ROR1: variants seen among roughly 807,000 people sequenced by gnomAD.
The protein encoded by ROR1 is inactive tyrosine-protein kinase transmembrane receptor ROR1.
In ROR1, 19 loss-of-function variants were observed where a neutral mutation model predicts 78.8. The ratio of observed to expected loss-of-function variants is 0.24; its 90% confidence interval spans 0.17 to 0.35. ROR1 has a LOEUF of 0.35. Ranked by LOEUF, ROR1 falls within the 10% of genes least tolerant of loss-of-function variation. ROR1 has a pLI of 1.00. For missense variants in ROR1, 917 were observed against 1,177.8 expected, an observed-to-expected ratio of 0.78 and a Z score of 3.24; for synonymous variants, 386 against 433.6, an observed-to-expected ratio of 0.89 and a Z score of 1.36.
chr1:63,846,813 G>C (rs953760591), intron 1 of ROR1, among the ~76,000 whole-genome samples: 4 of 152,226 alleles, frequency 2.6e-5, no homozygotes, highest in African/African-American at 9.6e-5. Context: ...TTTGGGGGAA[G>C]AATAGTAAGG....
intron 7 of ROR1, among the ~76,000 whole-genome samples, chr1:64,148,880 G>T (rs1021988852): frequency 1.3e-5 from 2 of 151,930 alleles, no homozygotes; most frequent in South Asian, 4.1e-4. Context: ...CTAACAATTA[G>T]AATTACTAAT....
intron 1 of ROR1, among the ~76,000 whole-genome samples, chr1:63,967,958 G>A (rs1301109497): frequency 2.0e-5 from 3 of 152,080 alleles, no homozygotes; most frequent in Non-Finnish European, 4.4e-5. Context: ...AATTAGTTTG[G>A]GAAGTTCTTC....
chr1:64,008,825 G>A (rs285398), intron 1 of ROR1, among the ~76,000 whole-genome samples: 99,733 of 151,786 alleles, frequency 0.66, 37,343 homozygotes, highest in East Asian at 0.94. Context: ...AGTAGAGACG[G>A]GGTTTCATCA....
intron 1 of ROR1, among the ~76,000 whole-genome samples, chr1:63,957,751 T>G (rs371731832): frequency 4.6e-5 from 7 of 151,828 alleles, no homozygotes; most frequent in Non-Finnish European, 8.8e-5. Flanking sequence ...TTTTGTTTTT[T>G]TTTTTTTTGG....
At chr1:63,828,401 A>G (rs35310909) in intron 1 of ROR1, among the ~76,000 whole-genome samples, 21,780 of 152,134 alleles carry the variant, frequency 0.14, 1,646 homozygotes, top group Middle Eastern at 0.22. Context: ...CATACATTTG[A>G]TCAGAAAGCC....
Position 63,972,239 on chromosome 1 carries a change from C to A in ROR1, c.92-37066C>A, listed in dbSNP as rs1646125023. 3.3e-5 allele frequency among the ~76,000 whole-genome samples: 5 copies of A among 152,176 alleles called. No homozygotes were observed. In the South Asian group the frequency reaches 1.0e-3, roughly 32 times the overall value. ...TTTCACATCCATCCTTTTATTTAGACCTTAAAACAGCCCCATGAGGAATGT... is the reference window on the plus strand; with the variant it reads ...TTTCACATCCATCCTTTTATTTAGAACTTAAAACAGCCCCATGAGGAATGT... On this transcript the variant is annotated intron_variant, in intron 1 of 8. Coordinates refer to ENST00000371079, the MANE Select transcript of ROR1 (RefSeq NM_005012.4).
intron 1 of ROR1, among the ~76,000 whole-genome samples, chr1:63,821,027 A>T (rs1644920211): frequency 1.3e-5 from 2 of 152,156 alleles, no homozygotes; most frequent in African/African-American, 4.8e-5. Flanking sequence ...AGCCTCTGGG[A>T]GCAAGGAAAA....
chr1:63,798,585 T>C (rs1361899992), intron 1 of ROR1, among the ~76,000 whole-genome samples: 3 of 152,172 alleles, frequency 2.0e-5, no homozygotes, highest in Admixed American at 2.0e-4. Flanking sequence ...CTTGTAAGTA[T>C]AGACAAGACA....
chr1:64,099,639 G>C (rs1453868370), intron 4 of ROR1, among the ~76,000 whole-genome samples: 1 of 152,166 alleles, frequency 6.6e-6, no homozygotes, highest in Non-Finnish European at 1.5e-5. Context: ...TTTAAAGTTT[G>C]CAGATTGAGT....
intron 1 of ROR1, among the ~76,000 whole-genome samples, chr1:63,877,380 T>C (rs1272495730): frequency 6.6e-6 from 1 of 152,230 alleles, no homozygotes; most frequent in Non-Finnish European, 1.5e-5. Flanking sequence ...TTTCCTCATC[T>C]GTCTGATGGG....
chr1:64,066,971 A>AT (rs924476119), intron 4 of ROR1, among the ~76,000 whole-genome samples: 228 of 151,316 alleles, frequency 1.5e-3, no homozygotes, highest in African/African-American at 5.0e-3. Context: ...AATATCTCAT[A>AT]TTTTTTTTTC....
At chr1:63,940,264 C>T (rs1457612712) in intron 1 of ROR1, among the ~76,000 whole-genome samples, 1 of 152,008 alleles carries the variant, frequency 6.6e-6, no homozygotes, top group Non-Finnish European at 1.5e-5. Flanking sequence ...ACAAATTAAG[C>T]CTGGAGCACT....
rs367640085 is a variant in ROR1 at position 64,032,987 on chromosome 1, T to C, written c.164-16704T>C. Reference sequence around the variant, plus strand: ...AGGAAAGGAGAATGGGGAGTTAGTCTTTAGTGGGCACGAGGTTTCAGTTTG... The same window carrying C: ...AGGAAAGGAGAATGGGGAGTTAGTCCTTAGTGGGCACGAGGTTTCAGTTTG... On this transcript the variant is annotated intron_variant, in intron 2 of 8. Coordinates refer to ENST00000371079, the MANE Select transcript of ROR1 (RefSeq NM_005012.4). 1.6e-4 allele frequency among the ~76,000 whole-genome samples: 24 copies of C among 152,280 alleles called. 1 individual carries two copies. The highest frequency in any genetic ancestry group is 4.6e-4 in the African/African-American group (19 of 41,554).
Position 63,989,469 on chromosome 1 carries a change from T to C in ROR1, c.92-19836T>C, listed in dbSNP as rs887042074. ...TAGTCCATTAAATTTAGGGCTACTC[T>C]GATGTTAGACTGACTTCTTCATTTT... On this transcript the variant is annotated intron_variant, in intron 1 of 8. Transcript: ENST00000371079. 4.6e-5 allele frequency among the ~76,000 whole-genome samples: 7 copies of C among 152,204 alleles called. No individual in the cohort carries two copies. In the East Asian group the frequency reaches 1.3e-3, roughly 29 times the overall value.
intron 1 of ROR1, among the ~76,000 whole-genome samples, chr1:63,994,543 A>G (rs1206417511): frequency 3.3e-5 from 5 of 152,218 alleles, no homozygotes; most frequent in Non-Finnish European, 5.9e-5. Context: ...GCAGCAGGTC[A>G]GAAAAAATGC....
intron 1 of ROR1, among the ~76,000 whole-genome samples, chr1:63,834,313 T>C (rs1645007031): frequency 6.6e-6 from 1 of 152,092 alleles, no homozygotes; most frequent in Non-Finnish European, 1.5e-5. Flanking sequence ...TTTGTACCCT[T>C]AGATGAATTA....
chr1:64,144,716 A>G (rs1649429154), intron 7 of ROR1, among the ~76,000 whole-genome samples: 1 of 152,258 alleles, frequency 6.6e-6, no homozygotes, highest in African/African-American at 2.4e-5. Context: ...AACTCAGGTC[A>G]GCCGGATTCC....
chr1:63,928,908 G>A (rs1189940623), intron 1 of ROR1, among the ~76,000 whole-genome samples: 1 of 152,184 alleles, frequency 6.6e-6, no homozygotes, highest in Admixed American at 6.5e-5. Context: ...AACAATGAAA[G>A]GACACAGTGT....
chr1:64,100,692 A>C (rs1647493416), intron 4 of ROR1, among the ~76,000 whole-genome samples: 1 of 152,196 alleles, frequency 6.6e-6, no homozygotes, highest in Non-Finnish European at 1.5e-5. Flanking sequence ...GCCTGCCCTC[A>C]AATGATCAAG....
Sources: gnomAD v4.1 joint callset for allele counts (sites outside exome capture counted in the v4.1 genomes callset) on GRCh38, gnomAD v4.1.1 for gene constraint, MANE v1.5 for transcripts, NCBI Gene and HGNC (gene_info 2026-07-23, HGNC 2026-07-21) for gene names.